Variants in ELOVL6 observed in about 807,000 individuals in gnomAD.
The protein encoded by ELOVL6 is ELOVL fatty acid elongase 6.
Under a neutral mutation model 31.7 loss-of-function variants are expected in ELOVL6, and 8 were observed. The observed-to-expected ratio is 0.25, with a 90% CI of 0.15 to 0.45. The LOEUF is 0.45. ELOVL6 is among the 20% of genes least tolerant of loss of function. The probability of loss-of-function intolerance (pLI) is 1.00; values close to 1 mark genes in which losing one functional copy is unlikely to be tolerated. For synonymous variants in ELOVL6, 101 were observed against 117.7 expected (o/e 0.86, Z 0.92); for missense variants, 126 against 326.4 (o/e 0.39, Z 4.73).
intron 1 of ELOVL6, among the ~76,000 whole-genome samples, chr4:110,110,362 A>T (rs1756998916): frequency 9.3e-6 from 1 of 107,734 alleles, no homozygotes; most frequent in Admixed American, 9.8e-5. Flanking sequence ...TCATATAGGC[A>T]TTTTTTTTAC....
chr4:110,067,360 T>A (rs1303012649), intron 2 of ELOVL6, among the ~76,000 whole-genome samples: 1 of 152,182 alleles, frequency 6.6e-6, no homozygotes, highest in Non-Finnish European at 1.5e-5. Flanking sequence ...TAATAAAAAA[T>A]ACACATATTT....
chr4:110,074,357 T>C (rs1299240171), intron 2 of ELOVL6, among the ~76,000 whole-genome samples: 1 of 152,228 alleles, frequency 6.6e-6, no homozygotes, highest in Non-Finnish European at 1.5e-5. Context: ...CAAGCTTGGT[T>C]GAATCTGCAG....
intron 3 of ELOVL6, among the ~76,000 whole-genome samples, chr4:110,058,294 G>A (rs1439770094): frequency 6.6e-6 from 1 of 152,184 alleles, no homozygotes; most frequent in Non-Finnish European, 1.5e-5. Flanking sequence ...GTTGGAGGGG[G>A]GGAGCGGTGC....
chr4:110,116,020 C>A lies in ELOVL6; in HGVS notation c.90-10392G>T, dbSNP rs149344227. Among the ~76,000 whole-genome samples, 583 of 152,258 alleles carry A rather than the reference C, an allele frequency of 3.8e-3. 6 individuals are homozygous for A. Among genetic ancestry groups the A allele is most frequent in the African/African-American group, 0.013 (525 of 41,536 alleles). On this transcript the variant is annotated intron_variant, in intron 1 of 3. Coordinates refer to ENST00000302274, the MANE Select transcript of ELOVL6 (RefSeq NM_024090.3). ...TTATCTGACTCTGATCCCCCCAACT[C>A]CCTGTTAAGAACCCTGTGAATATAA...
At chr4:110,122,647 G>C (rs567398083) in intron 1 of ELOVL6, among the ~76,000 whole-genome samples, 14 of 152,098 alleles carry the variant, frequency 9.2e-5, no homozygotes, top group Non-Finnish European at 1.8e-4. Context: ...CAGAGTGCTG[G>C]GATTACAGGT....
At chr4:110,178,365 G>A (rs367843220) in intron 1 of ELOVL6, among the ~76,000 whole-genome samples, 9 of 152,172 alleles carry the variant, frequency 5.9e-5, no homozygotes, top group African/African-American at 2.2e-4. Context: ...GTCCAATATG[G>A]TGAAAACCCA....
chr4:110,112,525 G>A (rs977961633), intron 1 of ELOVL6, among the ~76,000 whole-genome samples: 2 of 152,170 alleles, frequency 1.3e-5, no homozygotes, highest in African/African-American at 4.8e-5. Context: ...TTTGAAGTTA[G>A]AACCAAAGAC....
chr4:110,137,513 C>A (rs1224088301), intron 1 of ELOVL6, among the ~76,000 whole-genome samples: 3 of 152,106 alleles, frequency 2.0e-5, no homozygotes, highest in Non-Finnish European at 4.4e-5. Flanking sequence ...ATTTGATAAG[C>A]TGTTTTGACT....
chr4:110,129,594 AAAAC>A (rs1198086393), intron 1 of ELOVL6, among the ~76,000 whole-genome samples: 2 of 152,246 alleles, frequency 1.3e-5, no homozygotes, highest in Admixed American at 1.3e-4. Flanking sequence ...AAAGGTTTTT[AAAAC>A]ATACAGACTT....
intron 1 of ELOVL6, among the ~76,000 whole-genome samples, chr4:110,110,770 A>G (rs766480893): frequency 1.9e-4 from 29 of 152,170 alleles, no homozygotes; most frequent in Non-Finnish European, 3.8e-4. Flanking sequence ...TAATCATGAA[A>G]ATATGCCCGT....
At chr4:110,120,947 C>T (rs1757338984) in intron 1 of ELOVL6, among the ~76,000 whole-genome samples, 1 of 151,982 alleles carries the variant, frequency 6.6e-6, no homozygotes, top group Admixed American at 6.6e-5. Flanking sequence ...ATTACAGGCG[C>T]CTGCCACCAC....
At chr4:110,157,667 T>A (rs1437309496) in intron 1 of ELOVL6, among the ~76,000 whole-genome samples, 1 of 148,562 alleles carries the variant, frequency 6.7e-6, no homozygotes, top group African/African-American at 2.5e-5. Flanking sequence ...CAAGGCTCCG[T>A]CTCAAAAAAA....
chr4:110,198,074 A>T, intron 1 of ELOVL6, 173 bp downstream of exon 1: 2 of 431,112 alleles, frequency 4.6e-6, no homozygotes, highest in Non-Finnish European at 8.5e-6. Context: ...CGCTTCATGT[A>T]CCCCCCCCCC....
At chr4:110,195,164 T>C (rs1180748398) in intron 1 of ELOVL6, among the ~76,000 whole-genome samples, 1 of 152,218 alleles carries the variant, frequency 6.6e-6, no homozygotes, top group Non-Finnish European at 1.5e-5. Context: ...CTGCATTAGC[T>C]GGATTCTATT....
intron 2 of ELOVL6, among the ~76,000 whole-genome samples, chr4:110,069,275 C>T (rs1755398907): frequency 6.6e-6 from 1 of 151,768 alleles, no homozygotes; most frequent in Admixed American, 6.6e-5. Flanking sequence ...GAAGATATCA[C>T]ACACTATTTT....
chr4:110,096,232 AG>A (rs1321853294), intron 2 of ELOVL6, among the ~76,000 whole-genome samples: 6 of 152,338 alleles, frequency 3.9e-5, no homozygotes, highest in Non-Finnish European at 8.8e-5. Context: ...AATTACACTG[AG>A]ACAACGTGCA....
intron 2 of ELOVL6, among the ~76,000 whole-genome samples, chr4:110,072,066 G>A (rs779769518): frequency 5.9e-5 from 9 of 152,218 alleles, no homozygotes; most frequent in Admixed American, 3.9e-4. Context: ...GATATCAGCT[G>A]AAGCCTGTTG....
chr4:110,096,328 T>A (rs960573865), intron 2 of ELOVL6, among the ~76,000 whole-genome samples: 28 of 152,284 alleles, frequency 1.8e-4, no homozygotes, highest in African/African-American at 6.3e-4. Flanking sequence ...TAGAAAGTTG[T>A]CAATTTCTTA....
chr4:110,164,126 C>T (rs979400251), intron 1 of ELOVL6, among the ~76,000 whole-genome samples: 1 of 152,202 alleles, frequency 6.6e-6, no homozygotes, highest in African/African-American at 2.4e-5. Flanking sequence ...GCCATTGACA[C>T]ACCTTAACTA....
Sources: gnomAD v4.1 joint callset for allele counts (sites outside exome capture counted in the v4.1 genomes callset) on GRCh38, gnomAD v4.1.1 for gene constraint, MANE v1.5 for transcripts, NCBI Gene and HGNC (gene_info 2026-07-23, HGNC 2026-07-21) for gene names.